The following AGBL1 variants were observed in gnomAD, a reference collection of about 807,000 sequenced individuals.
AGBL1 encodes the protein cytosolic carboxypeptidase 4.
In AGBL1, 130 loss-of-function variants were observed where a neutral mutation model predicts 118.9. The observed-to-expected ratio is 1.09, with a 90% CI of 0.95 to 1.26. AGBL1 has a LOEUF of 1.26. AGBL1 is among the 50% of genes most tolerant of loss of function. The pLI is 0.00. For missense variants in AGBL1, 1,584 were observed against 1,298.1 expected (o/e 1.22, Z -3.38); for synonymous variants, 555 against 478.9 (o/e 1.16, Z -2.08).
At chr15:86,106,571 T>C (rs1372049330) in intron 1 of AGBL1, among the ~76,000 whole-genome samples, 1 of 152,230 alleles carries the variant, frequency 6.6e-6, no homozygotes, top group Non-Finnish European at 1.5e-5. Flanking sequence ...ACTAAACATC[T>C]TGCGACACTT....
intron 18 of AGBL1, among the ~76,000 whole-genome samples, chr15:86,400,239 C>G (rs1425779543): frequency 6.6e-6 from 1 of 152,092 alleles, no homozygotes; most frequent in Non-Finnish European, 1.5e-5. Flanking sequence ...GAGCTTCACC[C>G]ATTTTAATCA....
At chr15:86,223,551 A>G (rs898966953) in intron 5 of AGBL1, among the ~76,000 whole-genome samples, 1 of 152,310 alleles carries the variant, frequency 6.6e-6, no homozygotes, top group East Asian at 1.9e-4. Context: ...GGATTCAACA[A>G]CAGTGGGATT....
intron 4 of AGBL1, 54 bp from the exon 5 acceptor site, chr15:86,158,879 G>C (rs1166891347): frequency 1.7e-5 from 26 of 1,516,844 alleles, no homozygotes; most frequent in Non-Finnish European, 2.2e-5. Flanking sequence ...AAGTTGTCTT[G>C]AGCCTTAACT....
At chr15:86,502,850 A>G (rs931882856) in intron 18 of AGBL1, among the ~76,000 whole-genome samples, 4 of 151,412 alleles carry the variant, frequency 2.6e-5, no homozygotes, top group African/African-American at 9.7e-5. Context: ...TTTTGGGCTT[A>G]TATTTATCAG....
At chr15:86,665,416 G>A (rs1369105538) in intron 21 of AGBL1, among the ~76,000 whole-genome samples, 1 of 152,078 alleles carries the variant, frequency 6.6e-6, no homozygotes, top group Non-Finnish European at 1.5e-5. Context: ...CCATTTCCAG[G>A]AGACGATTAT....
chr15:86,562,527 C>T (rs1291751281), intron 21 of AGBL1, among the ~76,000 whole-genome samples: 1 of 152,200 alleles, frequency 6.6e-6, no homozygotes, highest in Non-Finnish European at 1.5e-5. Flanking sequence ...TTTTGATGTG[C>T]TGCTGGATTT....
intron 19 of AGBL1, among the ~76,000 whole-genome samples, chr15:86,528,374 C>A (rs548582066): frequency 2.0e-5 from 3 of 152,316 alleles, no homozygotes; most frequent in Non-Finnish European, 2.9e-5. Flanking sequence ...CAGGTCACTC[C>A]CACCCGAATA....
chr15:86,978,455 T>C (rs1371934752), intron 23 of AGBL1, among the ~76,000 whole-genome samples: 1 of 152,218 alleles, frequency 6.6e-6, no homozygotes, highest in Non-Finnish European at 1.5e-5. Context: ...GAAATGTCTA[T>C]GAGCTGCAGA....
intron 22 of AGBL1, among the ~76,000 whole-genome samples, chr15:86,816,669 T>TAA (rs556093155): frequency 1.0e-3 from 153 of 151,776 alleles, no homozygotes; most frequent in African/African-American, 3.2e-3. Context: ...AAAGATGTAG[T>TAA]AAAAAAAACA....
At chr15:86,583,196 G>A (rs1367455127) in intron 21 of AGBL1, among the ~76,000 whole-genome samples, 1 of 151,840 alleles carries the variant, frequency 6.6e-6, no homozygotes, top group Admixed American at 6.6e-5. Flanking sequence ...GGGAGTACAT[G>A]TGCAGGATTG....
chr15:86,471,705 A>G (rs1243779500), intron 18 of AGBL1, among the ~76,000 whole-genome samples: 1 of 152,110 alleles, frequency 6.6e-6, no homozygotes, highest in African/African-American at 2.4e-5. Flanking sequence ...AGGGCATTCC[A>G]GTGCTTCTAT....
intron 17 of AGBL1, chr15:86,299,710 G>A (rs1771738769): frequency 6.6e-6 from 1 of 152,108 alleles, no homozygotes; most frequent in Admixed American, 6.6e-5. Context: ...CACATTATAT[G>A]TGAATAGGTA....
intron 18 of AGBL1, among the ~76,000 whole-genome samples, chr15:86,515,776 C>A (rs181600875): frequency 6.6e-6 from 1 of 152,252 alleles, no homozygotes; most frequent in African/African-American, 2.4e-5. Flanking sequence ...AGTTGTTGGT[C>A]TTGTGAACAC....
intron 18 of AGBL1, among the ~76,000 whole-genome samples, chr15:86,399,432 G>T (rs16976775): frequency 6.6e-6 from 1 of 152,142 alleles, no homozygotes; most frequent in Non-Finnish European, 1.5e-5. Context: ...TCTCTCCTTC[G>T]CTGGAATTGT....
intron 1 of AGBL1, chr15:86,086,140 C>T (rs761951000): frequency 6.6e-6 from 1 of 152,190 alleles, no homozygotes; most frequent in African/African-American, 2.4e-5. Context: ...ATATTTACTC[C>T]ACAATTTACT....
chr15:86,392,152 A>C (rs1335127702), intron 17 of AGBL1, among the ~76,000 whole-genome samples: 1 of 152,094 alleles, frequency 6.6e-6, no homozygotes, highest in Non-Finnish European at 1.5e-5. Flanking sequence ...CCTTTGTATA[A>C]ATTTTACAGC....
chr15:86,339,743 C>T (rs1467478777), intron 17 of AGBL1, among the ~76,000 whole-genome samples: 2 of 152,000 alleles, frequency 1.3e-5, no homozygotes, highest in Non-Finnish European at 2.9e-5. Context: ...CCGAGGTGGG[C>T]GGATCACAAG....
intron 21 of AGBL1, among the ~76,000 whole-genome samples, chr15:86,658,560 C>T (rs2085494640): frequency 6.6e-6 from 1 of 152,048 alleles, no homozygotes; most frequent in Non-Finnish European, 1.5e-5. Context: ...AATATGAACC[C>T]CTTTTTACAA....
At chr15:86,334,667 A>G (rs542509445) in intron 17 of AGBL1, among the ~76,000 whole-genome samples, 1 of 152,294 alleles carries the variant, frequency 6.6e-6, no homozygotes, top group South Asian at 2.1e-4. Context: ...ACTATTCTAA[A>G]ATTCATATGG....
Sources: allele counts gnomAD v4.1 joint callset (sites outside exome capture counted in the v4.1 genomes callset), GRCh38; gene constraint gnomAD v4.1.1; transcripts MANE v1.5; gene names NCBI Gene and HGNC (gene_info 2026-07-23, HGNC 2026-07-21).